CCSER1: variants seen among roughly 807,000 people sequenced by gnomAD.
The protein encoded by CCSER1 is coiled-coil serine rich protein 1.
In CCSER1, 41 loss-of-function variants were observed where a neutral mutation model predicts 82.0. The observed-to-expected ratio is 0.50, with a 90% CI of 0.39 to 0.65. CCSER1 has a LOEUF of 0.65. Among genes scored for constraint, CCSER1 ranks in the 30% least tolerant of loss-of-function variants. CCSER1 has a pLI of 0.00. For synonymous variants in CCSER1, 414 were observed against 383.9 expected (o/e 1.08, Z -0.92); for missense variants, 1,119 against 1,064.2 (o/e 1.05, Z -0.72).
At chr4:90,940,158 T>A (rs182715306) in intron 9 of CCSER1, among the ~76,000 whole-genome samples, 14 of 152,246 alleles carry the variant, frequency 9.2e-5, no homozygotes, top group Admixed American at 8.5e-4. Flanking sequence ...AAAGGTACAT[T>A]TTTTCCTCAA....
chr4:91,355,116 T>G (rs2149304660), intron 10 of CCSER1, among the ~76,000 whole-genome samples: 1 of 152,320 alleles, frequency 6.6e-6, no homozygotes. Flanking sequence ...AACAAGATCT[T>G]TTTTTAATCC....
chr4:90,512,923 A>T (rs576082436), intron 5 of CCSER1, among the ~76,000 whole-genome samples: 75 of 152,324 alleles, frequency 4.9e-4, no homozygotes, highest in African/African-American at 1.6e-3. Context: ...ATTTATAATT[A>T]TTGAATTTAT....
At chr4:90,554,014 A>G (rs545213338) in intron 5 of CCSER1, among the ~76,000 whole-genome samples, 10 of 152,300 alleles carry the variant, frequency 6.6e-5, no homozygotes, top group Admixed American at 4.6e-4. Context: ...ACATATCACA[A>G]TGTTCAACAC....
intron 7 of CCSER1, among the ~76,000 whole-genome samples, chr4:90,735,626 T>G (rs1745504495): frequency 6.6e-6 from 1 of 152,084 alleles, no homozygotes; most frequent in Non-Finnish European, 1.5e-5. Context: ...TCATGGTAAC[T>G]TTAAATTTAT....
At chr4:90,552,850 G>A (rs909632095) in intron 5 of CCSER1, among the ~76,000 whole-genome samples, 1 of 152,092 alleles carries the variant, frequency 6.6e-6, no homozygotes, top group Non-Finnish European at 1.5e-5. Context: ...GTATTGTAAG[G>A]TTAATTCTTT....
intron 10 of CCSER1, among the ~76,000 whole-genome samples, chr4:91,587,576 C>T (rs1259447243): frequency 1.3e-5 from 2 of 151,758 alleles, no homozygotes; most frequent in Non-Finnish European, 2.9e-5. Flanking sequence ...TTTATCCATC[C>T]TTTTTATTCC....
At chr4:91,573,604 A>C (rs1763297509) in intron 10 of CCSER1, among the ~76,000 whole-genome samples, 1 of 152,114 alleles carries the variant, frequency 6.6e-6, no homozygotes, top group Non-Finnish European at 1.5e-5. Context: ...TCACACATTC[A>C]CTCAGCACTT....
chr4:91,540,983 T>C (rs919317801), intron 10 of CCSER1, among the ~76,000 whole-genome samples: 2 of 152,188 alleles, frequency 1.3e-5, no homozygotes, highest in South Asian at 2.1e-4. Context: ...AATGTCAGTC[T>C]TCCAACTTTG....
chr4:91,593,210 C>T (rs1764349464), intron 10 of CCSER1, among the ~76,000 whole-genome samples: 1 of 152,026 alleles, frequency 6.6e-6, no homozygotes, highest in African/African-American at 2.4e-5. Flanking sequence ...ATGCTTTTAA[C>T]CAGGTTGCAG....
At chr4:90,450,472 G>T (rs770002479) in intron 4 of CCSER1, among the ~76,000 whole-genome samples, 1 of 152,172 alleles carries the variant, frequency 6.6e-6, no homozygotes, top group Admixed American at 6.5e-5. Context: ...CTTATGGTGA[G>T]GAACAGAACA....
At chr4:90,479,211 TATAAA>T (rs1234094061) in intron 5 of CCSER1, among the ~76,000 whole-genome samples, 1 of 152,092 alleles carries the variant, frequency 6.6e-6, no homozygotes, top group Non-Finnish European at 1.5e-5. Flanking sequence ...ATCAACATAA[TATAAA>T]GGAAGAATAT....
At chr4:90,551,706 C>CTCTCTCTCTCTCTATATATATA in intron 5 of CCSER1, among the ~76,000 whole-genome samples, 49 of 104,212 alleles carry the variant, frequency 4.7e-4, no homozygotes, top group South Asian at 1.6e-3. Flanking sequence ...CTCTCTCTCT[C>CTCTCTCTCTCTCTATATATATA]TATATATATA....
intron 1 of CCSER1, among the ~76,000 whole-genome samples, chr4:90,276,321 CT>C (rs1727788205): frequency 1.7e-5 from 2 of 114,652 alleles, no homozygotes; most frequent in African/African-American, 7.1e-5. Flanking sequence ...CTTTCTTTTT[CT>C]TTCTTTCTTT....
intron 10 of CCSER1, among the ~76,000 whole-genome samples, chr4:91,274,623 C>G (rs762035263): frequency 2.0e-5 from 3 of 152,084 alleles, no homozygotes; most frequent in Non-Finnish European, 2.9e-5. Flanking sequence ...AAATAATGAC[C>G]TCTAGTTCAT....
chr4:90,936,813 T>A (rs1171297525), intron 9 of CCSER1, among the ~76,000 whole-genome samples: 1 of 152,216 alleles, frequency 6.6e-6, no homozygotes, highest in Non-Finnish European at 1.5e-5. Context: ...ATCTTCTTAA[T>A]GTTTAATTCT....
chr4:91,346,734 C>T (rs761065292), intron 10 of CCSER1, among the ~76,000 whole-genome samples: 3 of 152,090 alleles, frequency 2.0e-5, no homozygotes, highest in Non-Finnish European at 4.4e-5. Context: ...TAATAGCATA[C>T]GATGTTGAGC....
intron 4 of CCSER1, among the ~76,000 whole-genome samples, chr4:90,423,112 TAGA>T (rs1255358692): frequency 6.6e-6 from 1 of 152,178 alleles, no homozygotes; most frequent in Non-Finnish European, 1.5e-5. Flanking sequence ...AGAGCATTCA[TAGA>T]TCAGAAAATA....
In CCSER1 at chr4:91,111,840, C is replaced by T. The variant is rs567764460; in HGVS notation, c.2217+25846C>T. On this transcript the variant is annotated intron_variant, in intron 10 of 10. Transcript: ENST00000509176. Reference sequence around the variant, plus strand: ...AGAGAAAAAGAGAGAAAGAAGAAGACAATAAAACAGAAAAAAAAAAAAAAG... The same window carrying T: ...AGAGAAAAAGAGAGAAAGAAGAAGATAATAAAACAGAAAAAAAAAAAAAAG... Among the ~76,000 whole-genome samples, 9 of 104,212 alleles carry T rather than the reference C, an allele frequency of 8.6e-5. No individual in the cohort carries two copies. The South Asian group carries it at 2.4e-3, about 27-fold the overall frequency. 68.4% of individuals were successfully genotyped at this position (104,212 alleles called of 152,430 possible).
chr4:90,208,355 A>G (rs1203075060), intron 1 of CCSER1, among the ~76,000 whole-genome samples: 1 of 152,090 alleles, frequency 6.6e-6, no homozygotes, highest in Non-Finnish European at 1.5e-5. Context: ...CCCTCCCCCA[A>G]CCAAGCTCAA....
Sources: gnomAD v4.1 joint callset for allele counts (sites outside exome capture counted in the v4.1 genomes callset) on GRCh38, gnomAD v4.1.1 for gene constraint, MANE v1.5 for transcripts, NCBI Gene and HGNC (gene_info 2026-07-23, HGNC 2026-07-21) for gene names.